Variants in METAP2 observed in about 807,000 individuals in gnomAD.
The protein encoded by METAP2 is methionine aminopeptidase 2.
Under a neutral mutation model 59.4 loss-of-function variants are expected in METAP2, and 25 were observed. The ratio of observed to expected loss-of-function variants is 0.42; its 90% CI spans 0.31 to 0.59. The LOEUF (loss-of-function observed/expected upper bound fraction) is 0.59, where lower values mean the gene tolerates loss of function less well. Among genes scored for constraint, METAP2 ranks in the 20% least tolerant of loss-of-function variants. The probability of loss-of-function intolerance (pLI) is 0.16; values close to 1 mark genes in which losing one functional copy is unlikely to be tolerated. For missense variants in METAP2, 366 were observed against 581.2 expected (o/e 0.63, Z 3.81); for synonymous variants, 214 against 194.1 (o/e 1.10, Z -0.85).
At chr12:95,490,264 G>A (rs1253020093) in intron 4 of METAP2, among the ~76,000 whole-genome samples, 1 of 149,736 alleles carries the variant, frequency 6.7e-6, no homozygotes, top group Non-Finnish European at 1.5e-5. Context: ...ACCACACCCG[G>A]CATAGTAGTT....
chr12:95,513,572 A>G, intron 10 of METAP2, 80 bp from the exon 11 acceptor site: 1 of 1,484,058 alleles, frequency 6.7e-7, no homozygotes, highest in Non-Finnish European at 9.1e-7. Context: ...GGACACAGCT[A>G]AGGTCTGGGC....
intron 4 of METAP2, among the ~76,000 whole-genome samples, chr12:95,492,231 C>T (rs2076243971): frequency 6.6e-6 from 1 of 151,910 alleles, no homozygotes; most frequent in Non-Finnish European, 1.5e-5. Flanking sequence ...GAACTGTTGT[C>T]CTCAAGCAGT....
intron 1 of METAP2, among the ~76,000 whole-genome samples, chr12:95,475,849 G>T (rs759297604): frequency 6.6e-6 from 1 of 152,214 alleles, no homozygotes; most frequent in Non-Finnish European, 1.5e-5. Context: ...TTAGCTGCTA[G>T]TGTGTGTAAT....
intron 6 of METAP2, 78 bp downstream of exon 6, chr12:95,495,216 A>G: frequency 1.6e-6 from 2 of 1,227,070 alleles, no homozygotes; most frequent in Non-Finnish European, 2.3e-6. Flanking sequence ...GGAGTGATAA[A>G]TACTGAACTC....
rs549996948 is a variant in METAP2, at chr12:95,478,766, A to G, written c.259+2588A>G. Among the ~76,000 whole-genome samples the G allele has an allele frequency of 5.9e-5, 9 of 152,336 alleles. No individual in the cohort carries two copies. The East Asian group carries it at 1.5e-3, about 26-fold the overall frequency. On this transcript the variant is annotated intron_variant, in intron 2 of 10. Coordinates refer to ENST00000323666, the MANE Select transcript of METAP2 (RefSeq NM_006838.4). ...TAAGTGTGGGCTGAATGCCGAAGGA[A>G]GGCTCATTGGAAGGAATAGAACTTG...
chr12:95,487,125 A>G (rs901524726), intron 4 of METAP2, among the ~76,000 whole-genome samples: 6 of 152,222 alleles, frequency 3.9e-5, no homozygotes, highest in Non-Finnish European at 7.3e-5. Context: ...GTAGATGCAT[A>G]GTGAACATAA....
At chr12:95,492,591 G>T (rs1361233026) in intron 4 of METAP2, among the ~76,000 whole-genome samples, 2 of 151,262 alleles carry the variant, frequency 1.3e-5, no homozygotes. Context: ...TTAGAGACAG[G>T]GTCTTGGTCT....
intron 3 of METAP2, among the ~76,000 whole-genome samples, chr12:95,485,140 A>G (rs191212567): frequency 1.1e-3 from 172 of 152,258 alleles, no homozygotes; most frequent in African/African-American, 3.8e-3. Flanking sequence ...TAATTTTCGA[A>G]GGTTATCCAG....
chr12:95,477,790 G>T (rs1031581805), intron 2 of METAP2, among the ~76,000 whole-genome samples: 3 of 152,136 alleles, frequency 2.0e-5, no homozygotes, highest in African/African-American at 7.2e-5. Flanking sequence ...TATGTTCTCT[G>T]CCTTCAAGAA....
chr12:95,474,399 A>AG, intron 1 of METAP2, 69 bp downstream of exon 1: 1 of 1,548,298 alleles, frequency 6.5e-7, no homozygotes, highest in Non-Finnish European at 8.7e-7. Context: ...AGGCCCGTTG[A>AG]GGGGGCCGGG....
Position 95,485,975 on chromosome 12 carries a change from A to G in METAP2, c.422A>G (p.Gln141Arg). 6.4e-7 allele frequency: 1 copy of G among 1,559,276 alleles called. No homozygotes were observed. Among genetic ancestry groups the G allele is most frequent in the Non-Finnish European group, 8.8e-7 (1 of 1,141,548 alleles). ...CAAGAATGCGAATACCCACCCACAC[A>G]AGATGGGTAAGGATCATCAAATCAC... is the stretch of plus-strand genomic sequence containing the variant. ...KGQECEYPPT[Q>R]DGRTAAWRTT... is the part of the protein sequence containing the mutation. Residue 141 changes from glutamine (Q) to arginine (R), a missense_variant, in exon 4 of 11, where the codon CAA becomes CGA. Physicochemically the swap from Gln to Arg is conservative, Grantham distance 43 (BLOSUM62 1). This residue lies in a region of METAP2 where 177 missense variants were observed against 180.3 expected (regional missense o/e 0.98). Coordinates refer to ENST00000323666, the MANE Select transcript of METAP2 (RefSeq NM_006838.4).
chr12:95,513,052 A>G, intron 10 of METAP2, 136 bp downstream of exon 10: 1 of 576,220 alleles, frequency 1.7e-6, no homozygotes, highest in South Asian at 2.3e-5. Flanking sequence ...AATAAGAAAA[A>G]AAAATAGCCT....
intron 7 of METAP2, among the ~76,000 whole-genome samples, chr12:95,500,151 GT>G (rs202185818): frequency 1.8e-4 from 26 of 145,608 alleles, no homozygotes; most frequent in South Asian, 1.3e-3. Context: ...TAATTCCTAA[GT>G]TTTTTTTTTT....
chr12:95,501,735 A>G (rs989747449), intron 7 of METAP2, among the ~76,000 whole-genome samples: 3 of 151,934 alleles, frequency 2.0e-5, no homozygotes, highest in Non-Finnish European at 2.9e-5. Flanking sequence ...AAAAAAAAGT[A>G]AATATATTAG....
chr12:95,513,038 C>A, intron 10 of METAP2, 122 bp downstream of exon 10: 2 of 509,290 alleles, frequency 3.9e-6, no homozygotes, highest in Non-Finnish European at 6.8e-6. Context: ...TTCTGTAGCC[C>A]AACAATAAGA....
chr12:95,507,314 A>G (rs2076368750), intron 8 of METAP2, among the ~76,000 whole-genome samples: 1 of 152,260 alleles, frequency 6.6e-6, no homozygotes, highest in South Asian at 2.1e-4. Context: ...TCTCACCCCA[A>G]TTCTGGGATT....
At position 95,504,066 on chromosome 12, in the gene METAP2, G is replaced by A; in HGVS notation, c.869G>A (p.Cys290Tyr). The A allele has an allele frequency of 6.2e-7, 1 of 1,610,534 alleles. No individual in the cohort carries two copies. The highest frequency in any genetic ancestry group is 8.5e-7 in the Non-Finnish European group (1 of 1,178,540). The change falls in exon 8 of 11, where the codon TGT (cysteine) becomes TAT (tyrosine). Residue 290 changes from cysteine to tyrosine, a missense_variant and splice_region_variant. Physicochemically the swap from Cys to Tyr is radical, Grantham distance 194. Around this residue, in one of 4 missense-constraint regions of METAP2, gnomAD observed 106 missense variants for 221.9 expected, o/e 0.48. Coordinates refer to ENST00000323666, the MANE Select transcript of METAP2 (RefSeq NM_006838.4). ...AAGCATATGTTACTCTTTTTTTAGT[G>A]TGCTGGAATTGATGTTCGTCTGTGT... ...VKDATNTGIKCAGIDVRLCDV... is the reference protein window; with the variant it reads ...VKDATNTGIKYAGIDVRLCDV...
rs73365836 is a variant in METAP2 at position 95,507,367 on chromosome 12, T to C, written c.964+3206T>C. 3.5e-3 allele frequency among the ~76,000 whole-genome samples: 528 copies of C among 152,364 alleles called. 3 individuals are homozygous for C. The highest frequency in any genetic ancestry group is 0.012 in the African/African-American group (500 of 41,584). ...GCTTATTCAGGCTCTTCCAAATCGC[T>C]CTTCGCATCCAGGAAATTACTTACC... On this transcript the variant is annotated intron_variant, in intron 8 of 10. Coordinates refer to ENST00000323666, the MANE Select transcript of METAP2 (RefSeq NM_006838.4).
At chr12:95,489,480 A>C (rs1364313229) in intron 4 of METAP2, among the ~76,000 whole-genome samples, 1 of 152,164 alleles carries the variant, frequency 6.6e-6, no homozygotes, top group Non-Finnish European at 1.5e-5. Context: ...TTTTTAATAA[A>C]TCTCAATACT....
Sources: allele counts gnomAD v4.1 joint callset (sites outside exome capture counted in the v4.1 genomes callset), GRCh38; gene constraint gnomAD v4.1.1; regional missense constraint gnomAD v4.1.1; transcripts MANE v1.5; gene names NCBI Gene and HGNC (gene_info 2026-07-23, HGNC 2026-07-21).